Variants in DHX15 observed in about 807,000 individuals in gnomAD.
The protein encoded by DHX15 is ATP-dependent RNA helicase DHX15.
A neutral mutation model predicts 94.4 loss-of-function variants in DHX15; 11 were observed. That is an observed-to-expected ratio of 0.12 (90% confidence interval 0.07 to 0.19). The LOEUF is 0.19. Among genes scored for constraint, DHX15 ranks in the 10% least tolerant of loss-of-function variants. The pLI is 1.00. For synonymous variants in DHX15, 338 were observed against 329.9 expected (o/e 1.02, Z -0.27); for missense variants, 304 against 988.5 (o/e 0.31, Z 9.29).
chr4:24,541,110 T>C (rs1721298406), intron 8 of DHX15, among the ~76,000 whole-genome samples, 162 bp from the exon 9 acceptor site: 1 of 152,148 alleles, frequency 6.6e-6, no homozygotes. Context: ...AGAGAAACCA[T>C]TTTTCTCCAA....
At chr4:24,556,952 C>A (rs1721750964) in intron 3 of DHX15, among the ~76,000 whole-genome samples, 1 of 151,994 alleles carries the variant, frequency 6.6e-6, no homozygotes, top group Admixed American at 6.6e-5. Context: ...TCTTAAAGCA[C>A]AAAAGGAATT....
At chr4:24,564,982 G>A (rs1721962328) in intron 3 of DHX15, among the ~76,000 whole-genome samples, 1 of 152,122 alleles carries the variant, frequency 6.6e-6, no homozygotes, top group South Asian at 2.1e-4. Flanking sequence ...CATTTGGTAT[G>A]TATTTCAGAG....
Position 24,584,365 on chromosome 4 carries a change from C to T in DHX15, c.29G>A (p.Gly10Glu), listed in dbSNP as rs1722558337. 1.6e-5 allele frequency: 26 copies of T among 1,613,058 alleles called. No individual in the cohort carries two copies. Among genetic ancestry groups the T allele is most frequent in the Non-Finnish European group, 2.2e-5 (26 of 1,179,624 alleles). The stretch of plus-strand genomic sequence containing the variant: ...CTTCTTGCCAGAGGGGTAATCCTCC[C>T]CTAGGTCCAACCGGTGCCGCTTGGA... MSKRHRLDL[G>E]EDYPSGKKRA... Residue 10 changes from glycine to glutamate, a missense_variant, in exon 1 of 14, where the codon GGG (glycine) becomes GAG (glutamate). Physicochemically the swap from Gly to Glu is moderately conservative, Grantham distance 98. Around this residue, in one of 9 missense-constraint regions of DHX15, gnomAD observed 143 missense variants for 200.5 expected, o/e 0.71. Coordinates refer to ENST00000336812, the MANE Select transcript of DHX15 (RefSeq NM_001358.3).
At chr4:24,549,139 CCT>C (rs1474871582) in intron 5 of DHX15, 117 bp from the exon 6 acceptor site, 5 of 794,696 alleles carry the variant, frequency 6.3e-6, no homozygotes, top group Non-Finnish European at 8.9e-6. Flanking sequence ...TCATGGATAC[CCT>C]GTTTTCAATT....
chr4:24,552,829 C>T (rs574009901), intron 5 of DHX15, among the ~76,000 whole-genome samples: 123 of 152,306 alleles, frequency 8.1e-4, no homozygotes, highest in Middle Eastern at 3.4e-3. Flanking sequence ...TCATGAAAGA[C>T]ACTCTAGCAT....
chr4:24,562,329 T>C (rs1721894177), intron 3 of DHX15, among the ~76,000 whole-genome samples: 1 of 152,048 alleles, frequency 6.6e-6, no homozygotes, highest in Non-Finnish European at 1.5e-5. Context: ...CCATATTACC[T>C]AGGAAAGCTT....
chr4:24,574,882 G>C (rs1231762366), intron 2 of DHX15, among the ~76,000 whole-genome samples: 1 of 152,088 alleles, frequency 6.6e-6, no homozygotes, highest in African/African-American at 2.4e-5. Flanking sequence ...GGTGATTTTT[G>C]AATACCCTAA....
At position 24,536,673 on chromosome 4, in the gene DHX15, GTTCT is replaced by G. The variant is rs199861977; in HGVS notation, c.1909+374_1909+377del. On this transcript the variant is annotated intron_variant, in intron 11 of 13. Coordinates refer to ENST00000336812, the MANE Select transcript of DHX15 (RefSeq NM_001358.3). ...TATTAGTTTTATTTTGGTGTAAAAA[GTTCT>G]TTATTAGTAAAAATGTTAGAGTAAT... 3.8e-4 allele frequency among the ~76,000 whole-genome samples: 58 copies of G among 152,128 alleles called. 1 individual carries two copies. The East Asian group carries it at 9.5e-3, about 25-fold the overall frequency.
chr4:24,559,375 TAAAA>T (rs535455690), intron 3 of DHX15, among the ~76,000 whole-genome samples: 31 of 93,364 alleles, frequency 3.3e-4, no homozygotes, highest in African/African-American at 1.0e-3. Flanking sequence ...TTTAAGCCAC[TAAAA>T]AAAAAAAAAA....
At chr4:24,564,650 G>A (rs1721956091) in intron 3 of DHX15, among the ~76,000 whole-genome samples, 1 of 152,130 alleles carries the variant, frequency 6.6e-6, no homozygotes, top group African/African-American at 2.4e-5. Context: ...TATTGGTGAA[G>A]GAATAAACAA....
chr4:24,564,645 G>A (rs978232007), intron 3 of DHX15, among the ~76,000 whole-genome samples: 1 of 152,112 alleles, frequency 6.6e-6, no homozygotes, highest in Non-Finnish European at 1.5e-5. Context: ...TCTTTTATTG[G>A]TGAAGGAATA....
At chr4:24,560,831 T>C (rs970851995) in intron 3 of DHX15, among the ~76,000 whole-genome samples, 1 of 152,132 alleles carries the variant, frequency 6.6e-6, no homozygotes, top group Non-Finnish European at 1.5e-5. Context: ...ATGGCTAATA[T>C]ACAAAAATGT....
chr4:24,532,327 T>G (rs1304958569), intron 12 of DHX15, among the ~76,000 whole-genome samples: 1 of 152,234 alleles, frequency 6.6e-6, no homozygotes, highest in Non-Finnish European at 1.5e-5. Flanking sequence ...TAATTACCAA[T>G]GATCACTCTG....
intron 11 of DHX15, chr4:24,533,425 C>T: frequency 3.7e-6 from 1 of 270,728 alleles, no homozygotes; most frequent in Non-Finnish European, 7.2e-6. Context: ...AATGAAACTA[C>T]AGCTTTAGAT....
intron 9 of DHX15, 59 bp downstream of exon 9, chr4:24,540,781 A>C (rs944078144): frequency 3.2e-6 from 3 of 947,818 alleles, no homozygotes; most frequent in African/African-American, 3.3e-5. Flanking sequence ...ATGGAGAAAA[A>C]CACTAAGAGT....
At chr4:24,569,656 C>T (rs1722074758) in intron 3 of DHX15, among the ~76,000 whole-genome samples, 1 of 148,702 alleles carries the variant, frequency 6.7e-6, no homozygotes, top group Non-Finnish European at 1.5e-5. Context: ...CACTATATAT[C>T]TCTCTGACAA....
intron 3 of DHX15, among the ~76,000 whole-genome samples, chr4:24,562,424 T>C (rs1016936844): frequency 6.6e-6 from 1 of 152,194 alleles, no homozygotes; most frequent in African/African-American, 2.4e-5. Context: ...ACATACTTGC[T>C]GCAAGACAAA....
chr4:24,554,675 T>C (rs1403104414), intron 5 of DHX15, 50 bp downstream of exon 5: 2 of 1,407,334 alleles, frequency 1.4e-6, no homozygotes, highest in Non-Finnish European at 2.0e-6. Context: ...TTGCTGCATA[T>C]TAGAAACAGT....
At chr4:24,528,690 T>C (rs1462857656) in intron 13 of DHX15, among the ~76,000 whole-genome samples, 1 of 152,154 alleles carries the variant, frequency 6.6e-6, no homozygotes, top group Non-Finnish European at 1.5e-5. Flanking sequence ...GGTTATAGAA[T>C]AGATTCTGGC....
Sources: allele counts gnomAD v4.1 joint callset (sites outside exome capture counted in the v4.1 genomes callset), GRCh38; gene constraint gnomAD v4.1.1; regional missense constraint gnomAD v4.1.1; transcripts MANE v1.5; gene names NCBI Gene and HGNC (gene_info 2026-07-23, HGNC 2026-07-21).